The following GTF3C2 variants were observed in gnomAD, a reference collection of about 807,000 sequenced individuals.
The protein encoded by GTF3C2 is general transcription factor 3C polypeptide 2.
A neutral mutation model predicts 117.4 loss-of-function variants in GTF3C2; 17 were observed. The ratio of observed to expected loss-of-function variants is 0.14; its 90% confidence interval spans 0.10 to 0.22. The LOEUF is 0.22. Ranked by LOEUF, GTF3C2 falls within the 10% of genes least tolerant of loss-of-function variation. The pLI, the probability that GTF3C2 is intolerant of heterozygous loss-of-function variation, is 1.00. For missense variants in GTF3C2, 888 were observed against 1,143.6 expected, an observed-to-expected ratio of 0.78 and a Z score of 3.22; for synonymous variants, 437 against 427.0, an observed-to-expected ratio of 1.02 and a Z score of -0.29.
chr2:27,348,822 G>C (rs531124761), intron 1 of GTF3C2, among the ~76,000 whole-genome samples: 4 of 152,184 alleles, frequency 2.6e-5, no homozygotes, highest in Admixed American at 2.6e-4. Context: ...GATTTGGTTT[G>C]ATTTTAATTT....
In GTF3C2 at chr2:27,329,219, G is replaced by A. The variant is rs138720572; in HGVS notation, c.1941C>T (p.Tyr647=). 215 of 1,613,986 alleles carry A rather than the reference G, an allele frequency of 1.3e-4. No individual in the cohort carries two copies. The highest frequency in any genetic ancestry group is 1.8e-4 in the Non-Finnish European group (208 of 1,179,964). ...AGCGCTTGATAGAGTTTATGGGTTC[G>A]TAAGGACGTCGAAGGTCCCAGAATT... Residue 647 remains tyrosine, a synonymous_variant, in exon 14 of 19, where the codon TAC becomes TAT. Coordinates refer to ENST00000264720, the Ensembl canonical transcript of GTF3C2. This position sits in a 1 kb window ranked among gnomAD's most constrained non-coding sequence, Gnocchi z 4.5.
At chr2:27,338,456 GCGCGCA>G (rs1558617645) in intron 4 of GTF3C2, among the ~76,000 whole-genome samples, 26 of 47,888 alleles carry the variant, frequency 5.4e-4, no homozygotes, top group African/African-American at 4.3e-3. Context: ...GCACGCGCAC[GCGCGCA>G]CACACACACA....
intron 16 of GTF3C2, 97 bp downstream of exon 16, chr2:27,328,371 G>T: frequency 7.6e-7 from 1 of 1,310,052 alleles, no homozygotes; most frequent in Non-Finnish European, 1.1e-6. Context: ...TGGGATATCA[G>T]GGCCGGGAGA....
intron 17 of GTF3C2, among the ~76,000 whole-genome samples, 190 bp downstream of exon 17, chr2:27,327,847 T>C (rs1007143109): frequency 2.0e-5 from 3 of 152,118 alleles, no homozygotes; most frequent in African/African-American, 7.2e-5. Context: ...AGGATGGTCT[T>C]GATCTCTTGA....
intron 7 of GTF3C2, 165 bp downstream of exon 7, chr2:27,337,079 A>G (rs1183830886): frequency 8.1e-6 from 5 of 617,196 alleles, no homozygotes; most frequent in Non-Finnish European, 1.5e-5. Flanking sequence ...AATGAACACT[A>G]CAAATCAGAG....
At chr2:27,347,902 G>A (rs1390309054) in intron 1 of GTF3C2, among the ~76,000 whole-genome samples, 2 of 152,172 alleles carry the variant, frequency 1.3e-5, no homozygotes, top group East Asian at 1.9e-4. Context: ...GGGAGGCAGA[G>A]GTGGGAGGAT....
chr2:27,343,387 A>C, exon 2 of GTF3C2: 1 of 1,613,898 alleles, frequency 6.2e-7, no homozygotes, highest in East Asian at 2.2e-5. Flanking sequence ...ATCCAGGCAA[A>C]GGGGTAGGTA....
chr2:27,328,824 C>A lies in GTF3C2; in HGVS notation c.2127+20G>T. The A allele has an allele frequency of 6.3e-7, 1 of 1,583,028 alleles. No homozygotes were observed. The highest frequency in any genetic ancestry group is 2.2e-5 in the East Asian group (1 of 44,720). On this transcript the variant is annotated intron_variant, in intron 15 of 18. Transcript: ENST00000264720. The stretch of plus-strand genomic sequence containing the variant: ...CCATTTTCCTTTGTAATGAAGACTG[C>A]AAAAGAAAGGGGGGCTCACCCAAAC...
intron 1 of GTF3C2, among the ~76,000 whole-genome samples, chr2:27,346,407 A>G (rs1476644885): frequency 8.2e-6 from 1 of 121,370 alleles, no homozygotes; most frequent in African/African-American, 3.1e-5. Context: ...GCTGGAGTGC[A>G]ATGGTGCAAT....
At chr2:27,356,258 G>C in intron 1 of GTF3C2, 1 of 439,018 alleles carries the variant, frequency 2.3e-6, no homozygotes, top group Admixed American at 2.8e-5. Context: ...AACCCTCGGG[G>C]TTAAAGAGCC....
chr2:27,338,452 G>A (rs531407438), intron 4 of GTF3C2, among the ~76,000 whole-genome samples: 6 of 57,120 alleles, frequency 1.1e-4, no homozygotes, highest in Admixed American at 5.8e-4. Context: ...GCGCGCACGC[G>A]CACGCGCGCA....
intron 10 of GTF3C2, among the ~76,000 whole-genome samples, chr2:27,334,848 T>C (rs1038449516): frequency 3.9e-5 from 6 of 152,046 alleles, no homozygotes; most frequent in African/African-American, 1.4e-4. Flanking sequence ...TCTCATTATA[T>C]TGCCCCAGCT....
chr2:27,333,597 G>T (rs1328834081), intron 12 of GTF3C2, 58 bp downstream of exon 12: 3 of 1,175,792 alleles, frequency 2.6e-6, no homozygotes, highest in South Asian at 2.6e-5. Flanking sequence ...CAAAAAACAA[G>T]CATATATAAA....
exon 19 of GTF3C2, chr2:27,326,674 G>A: frequency 6.2e-7 from 1 of 1,610,536 alleles, no homozygotes; most frequent in Non-Finnish European, 8.5e-7. Flanking sequence ...GTGGGCCAAG[G>A]CTAGGGAGTG....
intron 1 of GTF3C2, among the ~76,000 whole-genome samples, chr2:27,348,270 G>GAAAA (rs74532320): frequency 7.4e-6 from 1 of 135,146 alleles, no homozygotes; most frequent in Non-Finnish European, 1.6e-5. Flanking sequence ...CCGTCTGAGG[G>GAAAA]AAAAAAAAAA....
At chr2:27,342,883 G>C in exon 3 of GTF3C2, 1 of 1,614,138 alleles carries the variant, frequency 6.2e-7, no homozygotes. Context: ...GTCCTCAGGG[G>C]GCCTCTTTGG....
At chr2:27,346,512 T>C (rs1032753814) in intron 1 of GTF3C2, among the ~76,000 whole-genome samples, 8 of 150,554 alleles carry the variant, frequency 5.3e-5, no homozygotes, top group Admixed American at 1.3e-4. Flanking sequence ...CCACCATGCC[T>C]GACTAATTTT....
Position 27,346,330 on chromosome 2 carries a change from CTTTTTTTTTTTTTTTTTTT to C in GTF3C2, c.-24-2771_-24-2753del, listed in dbSNP as rs144256545. 8.7e-3 allele frequency among the ~76,000 whole-genome samples: 561 copies of C among 64,336 alleles called. 9 individuals carry two copies. The highest frequency in any genetic ancestry group is 0.028 in the African/African-American group (477 of 16,802). 42.2% of individuals were successfully genotyped at this position (64,336 alleles called of 152,430 possible). A position where few individuals can be genotyped will look rare whatever the true frequency, so the allele number is the denominator to read the frequency against. ...TTAGCCACCGTGCCCATTCTGATACCTTTTTTTTTTTTTTTTTTTTTTTTTTTTTTTTTTTTTTTGAGAC... is the reference window on the plus strand; with the variant it reads ...TTAGCCACCGTGCCCATTCTGATACCTTTTTTTTTTTTTTTTTTTTGAGAC... On this transcript the variant is annotated intron_variant, in intron 1 of 18. Coordinates refer to ENST00000264720, the Ensembl canonical transcript of GTF3C2.
exon 3 of GTF3C2, chr2:27,343,057 C>T: frequency 6.2e-7 from 1 of 1,613,880 alleles, no homozygotes; most frequent in Non-Finnish European, 8.5e-7. Context: ...CTGTTGGGGC[C>T]TTTTGGGGCC....
Sources: allele counts gnomAD v4.1 joint callset (sites outside exome capture counted in the v4.1 genomes callset), GRCh38; gene constraint gnomAD v4.1.1; non-coding constraint Gnocchi (gnomAD v3.1); transcripts MANE v1.5; gene names NCBI Gene and HGNC (gene_info 2026-07-23, HGNC 2026-07-21).